ERO1A: variants seen among roughly 807,000 people sequenced by gnomAD.
ERO1A encodes endoplasmic reticulum oxidoreductase 1 alpha, also known as ERO1-like protein alpha.
A neutral mutation model predicts 76.9 loss-of-function variants in ERO1A; 49 were observed. The ratio of observed to expected loss-of-function variants is 0.64; its 90% CI spans 0.51 to 0.81. The LOEUF (loss-of-function observed/expected upper bound fraction) is 0.81, where lower values mean the gene tolerates loss of function less well. Among genes scored for constraint, ERO1A ranks in the 30% least tolerant of loss-of-function variants. The pLI, the probability that ERO1A is intolerant of heterozygous loss-of-function variation, is 0.00. For synonymous variants in ERO1A, 174 were observed against 181.2 expected (o/e 0.96, Z 0.32); for missense variants, 448 against 542.1 (o/e 0.83, Z 1.72).
At chr14:52,683,994 C>G in intron 1 of ERO1A, 87 bp from the exon 2 acceptor site, 2 of 964,672 alleles carry the variant, frequency 2.1e-6, no homozygotes, top group South Asian at 4.1e-5. Context: ...GGAAACAGCC[C>G]CCTACTCAAC....
chr14:52,669,315 A>G (rs1483610617), intron 6 of ERO1A, among the ~76,000 whole-genome samples: 1 of 152,200 alleles, frequency 6.6e-6, no homozygotes, highest in African/African-American at 2.4e-5. Context: ...ATTAAGGTTA[A>G]AATATTACCA....
At position 52,642,407 on chromosome 14, in the gene ERO1A, C is replaced by T. The variant is rs1031650699; in HGVS notation, c.*1163G>A. The stretch of plus-strand genomic sequence containing the variant: ...ATAAAATAAATAGCCTACCCTATTA[C>T]TATACACATCAAGCATAAAACGGGC... On this transcript the variant is annotated 3_prime_UTR_variant, in exon 16 of 16. Transcript: ENST00000395686. 4 of 152,006 alleles carry T rather than the reference C, an allele frequency of 2.6e-5. No individual in the cohort carries two copies. Among genetic ancestry groups the T allele is most frequent in the African/African-American group, 9.7e-5 (4 of 41,374 alleles). 9.4% of individuals were successfully genotyped at this position (152,006 alleles called of 1,614,324 possible).
chr14:52,653,391 C>A, intron 11 of ERO1A, 76 bp from the exon 12 acceptor site: 2 of 1,136,606 alleles, frequency 1.8e-6, no homozygotes, highest in South Asian at 2.2e-5. Context: ...GTTATTCATG[C>A]CTATAGAAGT....
intron 13 of ERO1A, among the ~76,000 whole-genome samples, chr14:52,651,559 T>A (rs183969396): frequency 2.0e-5 from 3 of 148,170 alleles, no homozygotes; most frequent in Non-Finnish European, 4.5e-5. Flanking sequence ...GCACCTGCCT[T>A]TGGACTTGAT....
chr14:52,663,093 G>A (rs1327515438), intron 8 of ERO1A, among the ~76,000 whole-genome samples: 1 of 152,078 alleles, frequency 6.6e-6, no homozygotes, highest in African/African-American at 2.4e-5. Context: ...TATTAAAAAT[G>A]TTATTAAGAT....
At chr14:52,644,281 TTCTC>T (rs534754539) in intron 15 of ERO1A, among the ~76,000 whole-genome samples, 2 of 151,974 alleles carry the variant, frequency 1.3e-5, no homozygotes, top group Non-Finnish European at 1.5e-5. Flanking sequence ...TGGCAAAACC[TTCTC>T]TCTATGAAAA....
At chr14:52,668,371 C>A (rs1314374508) in intron 6 of ERO1A, among the ~76,000 whole-genome samples, 5 of 151,756 alleles carry the variant, frequency 3.3e-5, no homozygotes, top group Admixed American at 3.3e-4. Context: ...CATGGAGAAA[C>A]CCCATCTCTA....
intron 6 of ERO1A, among the ~76,000 whole-genome samples, chr14:52,667,556 A>C (rs942124889): frequency 6.6e-6 from 1 of 152,082 alleles, no homozygotes; most frequent in Non-Finnish European, 1.5e-5. Flanking sequence ...ACCAGGCATC[A>C]ATAAAAAATA....
chr14:52,658,495 G>A, intron 9 of ERO1A: 1 of 186,070 alleles, frequency 5.4e-6, no homozygotes, highest in Non-Finnish European at 1.1e-5. Context: ...AACAATTCAT[G>A]CCATGAAAAC....
chr14:52,663,455 C>T (rs2040294893), intron 8 of ERO1A, among the ~76,000 whole-genome samples: 1 of 151,902 alleles, frequency 6.6e-6, no homozygotes, highest in South Asian at 2.1e-4. Flanking sequence ...AAAAAATTTG[C>T]TGGGCGTTGT....
intron 8 of ERO1A, 116 bp downstream of exon 8, chr14:52,663,685 C>A: frequency 1.6e-6 from 1 of 627,962 alleles, no homozygotes; most frequent in Non-Finnish European, 2.9e-6. Context: ...TCTATGGAAA[C>A]AGGACTGTGG....
rs150806778 is a variant in ERO1A at position 52,646,006 on chromosome 14, A to G, written c.1346+148T>C. ...AGCCGAGATCACGCCACTGCACTCCAGCCTGGGCTACAGACCAAAACTCCG... is the reference window on the plus strand; with the variant it reads ...AGCCGAGATCACGCCACTGCACTCCGGCCTGGGCTACAGACCAAAACTCCG... On this transcript the variant is annotated intron_variant, in intron 15 of 15. Coordinates refer to ENST00000395686, the MANE Select transcript of ERO1A (RefSeq NM_014584.3). 3 of 881,448 alleles carry G rather than the reference A, an allele frequency of 3.4e-6. No individual in the cohort carries two copies. The African/African-American group carries it at 5.1e-5, about 15-fold the overall frequency. The allele number at this position is 881,448 out of a possible 1,614,324, so 54.6% of individuals were successfully genotyped here. A position where few individuals can be genotyped will look rare whatever the true frequency, so the allele number is the denominator to read the frequency against.
At chr14:52,661,819 G>C (rs1005535611) in intron 8 of ERO1A, among the ~76,000 whole-genome samples, 1 of 151,444 alleles carries the variant, frequency 6.6e-6, no homozygotes, top group Non-Finnish European at 1.5e-5. Flanking sequence ...GTGTGCAGCT[G>C]CTTATTTACT....
chr14:52,657,958 G>C lies in ERO1A; in HGVS notation c.767C>G (p.Ala256Gly). 1.2e-6 allele frequency: 2 copies of C among 1,612,448 alleles called. No homozygotes were observed. The highest frequency in any genetic ancestry group is 1.7e-6 in the Non-Finnish European group (2 of 1,179,316). Residue 256 changes from alanine (A) to glycine (G), a missense_variant, in exon 11 of 16, where the codon GCA becomes GGA. Coordinates refer to ENST00000395686, the MANE Select transcript of ERO1A (RefSeq NM_014584.3). ...AFYRLISGLH[A>G]SINVHLSARY... ...TGCACTCAAATGCACATTAATGCTTGCATGTAGGCCAGATATAAGTCTGTA... is the reference window on the plus strand; with the variant it reads ...TGCACTCAAATGCACATTAATGCTTCCATGTAGGCCAGATATAAGTCTGTA...
intron 6 of ERO1A, 57 bp downstream of exon 6, chr14:52,671,573 C>T: frequency 7.8e-7 from 1 of 1,287,728 alleles, no homozygotes; most frequent in South Asian, 1.4e-5. Flanking sequence ...TAATTAAAAA[C>T]TTTTTTTTTC....
chr14:52,661,920 TA>T (rs893785022), intron 8 of ERO1A, among the ~76,000 whole-genome samples: 8 of 151,710 alleles, frequency 5.3e-5, no homozygotes, highest in African/African-American at 9.7e-5. Flanking sequence ...TATATGTTTT[TA>T]AAAAAAAGAC....
chr14:52,664,038 C>G, intron 7 of ERO1A, 191 bp from the exon 8 acceptor site: 1 of 410,774 alleles, frequency 2.4e-6, no homozygotes, highest in South Asian at 4.8e-5. Context: ...AGTTCCTGAT[C>G]TTCTCCCATT....
chr14:52,694,305 A>G (rs184336876), intron 1 of ERO1A, among the ~76,000 whole-genome samples: 2 of 152,228 alleles, frequency 1.3e-5, no homozygotes, highest in East Asian at 3.9e-4. Flanking sequence ...TAAAGTAGCA[A>G]TTTTCTTTCA....
At chr14:52,694,428 G>A (rs2041474479) in intron 1 of ERO1A, among the ~76,000 whole-genome samples, 1 of 152,002 alleles carries the variant, frequency 6.6e-6, no homozygotes, top group African/African-American at 2.4e-5. Context: ...ATATTTAAAT[G>A]CATCTTTCCT....
Sources: gnomAD v4.1 joint callset for allele counts (sites outside exome capture counted in the v4.1 genomes callset) on GRCh38, gnomAD v4.1.1 for gene constraint, MANE v1.5 for transcripts, NCBI Gene and HGNC (gene_info 2026-07-23, HGNC 2026-07-21) for gene names.